FYB2: variants seen among roughly 807,000 people sequenced by gnomAD.
FYB2 encodes FYN-binding protein 2.
FYB2 carries 103 observed loss-of-function variants against 94.1 expected under a neutral mutation model. The ratio of observed to expected loss-of-function variants is 1.09; its 90% CI spans 0.93 to 1.29. The LOEUF is 1.29. Among genes scored for constraint, FYB2 ranks in the 50% most tolerant of loss-of-function variants. The probability of loss-of-function intolerance (pLI) is 0.00; values close to 1 mark genes in which losing one functional copy is unlikely to be tolerated. For synonymous variants in FYB2, 293 were observed against 287.9 expected, an observed-to-expected ratio of 1.02 and a Z score of -0.18; for missense variants, 896 against 841.5, an observed-to-expected ratio of 1.06 and a Z score of -0.80.
intron 4 of FYB2, among the ~76,000 whole-genome samples, chr1:56,771,837 TC>T (rs1301994853): frequency 6.6e-6 from 1 of 152,158 alleles, no homozygotes; most frequent in Non-Finnish European, 1.5e-5. Flanking sequence ...TTCTCTTTTT[TC>T]CCCTCATTTA....
chr1:56,807,401 T>C (rs1267970949), intron 1 of FYB2, among the ~76,000 whole-genome samples: 2 of 152,206 alleles, frequency 1.3e-5, no homozygotes, highest in Admixed American at 1.3e-4. Flanking sequence ...CCATTCTAAA[T>C]GCATCTGGGG....
chr1:56,728,027 A>G (rs1644620021), intron 15 of FYB2, among the ~76,000 whole-genome samples: 1 of 152,048 alleles, frequency 6.6e-6, no homozygotes, highest in African/African-American at 2.4e-5. Context: ...TCTCAAACAA[A>G]AGAGAAAAAG....
chr1:56,750,951 A>G (rs1223457997), intron 9 of FYB2, 93 bp downstream of exon 9: 8 of 1,431,144 alleles, frequency 5.6e-6, no homozygotes, highest in African/African-American at 4.3e-5. Flanking sequence ...TAGATGTTCA[A>G]TAAATATTGG....
At chr1:56,791,533 C>T (rs1646265381) in intron 2 of FYB2, among the ~76,000 whole-genome samples, 1 of 152,148 alleles carries the variant, frequency 6.6e-6, no homozygotes, top group South Asian at 2.1e-4. Flanking sequence ...CAGGCATAAG[C>T]CACCGTGCCC....
upstream of FYB2, chr1:56,819,414 C>A: frequency 7.2e-7 from 1 of 1,386,478 alleles, no homozygotes; most frequent in East Asian, 2.4e-5. Flanking sequence ...CAGGACACAC[C>A]TGAGCCCAGG....
intron 5 of FYB2, among the ~76,000 whole-genome samples, chr1:56,764,126 G>A (rs1014539137): frequency 1.2e-4 from 18 of 151,086 alleles, no homozygotes; most frequent in Admixed American, 5.3e-4. Flanking sequence ...AATTTTTTTT[G>A]TATTTTTAGT....
intron 1 of FYB2, among the ~76,000 whole-genome samples, chr1:56,795,039 C>T (rs1397113281): frequency 6.6e-6 from 1 of 151,190 alleles, no homozygotes; most frequent in African/African-American, 2.4e-5. Context: ...GAGATCTTAA[C>T]CATCTCTAAG....
At chr1:56,809,299 T>A (rs1646713261) in intron 1 of FYB2, among the ~76,000 whole-genome samples, 1 of 152,230 alleles carries the variant, frequency 6.6e-6, no homozygotes, top group Non-Finnish European at 1.5e-5. Context: ...CACTGTAAAT[T>A]GTAAAACATA....
At chr1:56,784,155 C>T (rs1369438634) in intron 4 of FYB2, among the ~76,000 whole-genome samples, 2 of 152,132 alleles carry the variant, frequency 1.3e-5, no homozygotes, top group Non-Finnish European at 2.9e-5. Context: ...CTGTTTTATA[C>T]ATTATGGTTG....
intron 4 of FYB2, among the ~76,000 whole-genome samples, chr1:56,772,267 T>TA (rs2100839967): frequency 6.6e-6 from 1 of 152,296 alleles, no homozygotes; most frequent in African/African-American, 2.4e-5. Flanking sequence ...CAAAAATGAA[T>TA]AAATATCTCA....
At chr1:56,788,801 C>T in intron 3 of FYB2, 172 bp downstream of exon 3, 1 of 895,470 alleles carries the variant, frequency 1.1e-6, no homozygotes. Flanking sequence ...AGGGCCAATT[C>T]CCACAGAGAC....
chr1:56,778,188 C>T (rs1645927309), intron 4 of FYB2, among the ~76,000 whole-genome samples: 1 of 152,154 alleles, frequency 6.6e-6, no homozygotes. Flanking sequence ...TCTCAACCAC[C>T]AGGTCTCACC....
At position 56,767,897 on chromosome 1, in the gene FYB2, G is replaced by A; in HGVS notation, c.995C>T (p.Ala332Val). 3.7e-6 allele frequency: 6 copies of A among 1,611,992 alleles called. No homozygotes were observed. Among genetic ancestry groups the A allele is most frequent in the Non-Finnish European group, 5.1e-6 (6 of 1,179,264 alleles). The change falls in exon 5 of 20, where the codon GCA becomes GTA. Residue 332 changes from alanine to valine, a missense_variant. Transcript: ENST00000343433. ...AEFEEPHNYE[A>V]TISYLRHSGN... ...AGAGTGTCTCAGATATGAAATTGTT[G>A]CCTCGTAATTATGTGGTTCTTCAAA...
rs80161170 is a variant in FYB2 at position 56,736,425 on chromosome 1, T to A, written c.1793+662A>T. On this transcript the variant is annotated intron_variant, in intron 15 of 19. Coordinates refer to ENST00000343433, the MANE Select transcript of FYB2 (RefSeq NM_001004303.5). The stretch of plus-strand genomic sequence containing the variant: ...AGGGAGCATCAAACTTAAGGATGGC[T>A]TTTTTTTTTTTTTTTTTTGGAACAG... 3.0e-4 allele frequency among the ~76,000 whole-genome samples: 7 copies of A among 23,722 alleles called. No individual in the cohort carries two copies. In the East Asian group the frequency reaches 7.6e-3, roughly 26 times the overall value. 15.6% of individuals were successfully genotyped at this position (23,722 alleles called of 152,430 possible). A position where few individuals can be genotyped will look rare whatever the true frequency, so the allele number is the denominator to read the frequency against.
chr1:56,794,164 T>C lies in FYB2; in HGVS notation c.10-1361A>G, dbSNP rs978460876. On this transcript the variant is annotated intron_variant, in intron 1 of 19. Transcript: ENST00000343433. The stretch of plus-strand genomic sequence containing the variant: ...CTCTAAATTCAGCTCCAATTTGGTA[T>C]ATGAAAATTGTGGTAGTAATGGGAG... Among the ~76,000 whole-genome samples the C allele has an allele frequency of 8.5e-5, 13 of 152,324 alleles. 1 individual carries two copies. The highest frequency in any genetic ancestry group is 7.8e-4 in the Admixed American group (12 of 15,298).
At chr1:56,814,329 G>T (rs1262508477) in intron 1 of FYB2, among the ~76,000 whole-genome samples, 1 of 152,214 alleles carries the variant, frequency 6.6e-6, no homozygotes, top group African/African-American at 2.4e-5. Context: ...AAATCTGGCA[G>T]TAGACTGACA....
Position 56,723,007 on chromosome 1 carries a change from TAACAGAATAAG to T in FYB2, c.1974+570_1974+580del, listed in dbSNP as rs1220734846. Among the ~76,000 whole-genome samples the T allele has an allele frequency of 4.6e-5, 7 of 152,152 alleles. No individual in the cohort carries two copies. In the East Asian group the frequency reaches 1.2e-3, roughly 25 times the overall value. On this transcript the variant is annotated intron_variant, in intron 17 of 19. Transcript: ENST00000343433. ...GAAAAAATGTCCCATGGACTCTTAA[TAACAGAATAAG>T]AAGGCAGAGAGCTTCGGATGCTGCA...
At chr1:56,799,120 T>C (rs1043333168) in intron 1 of FYB2, among the ~76,000 whole-genome samples, 11 of 152,154 alleles carry the variant, frequency 7.2e-5, no homozygotes, top group Non-Finnish European at 1.6e-4. Flanking sequence ...CCCCACCAAT[T>C]AGGCGATTGT....
chr1:56,768,762 T>A lies in FYB2; in HGVS notation c.954-824A>T, dbSNP rs74778608. 6.4e-3 allele frequency among the ~76,000 whole-genome samples: 972 copies of A among 152,230 alleles called. 27 individuals are homozygous for A. Among genetic ancestry groups the A allele is most frequent in the East Asian group, 0.056 (287 of 5,170 alleles). On this transcript the variant is annotated intron_variant, in intron 4 of 19. Coordinates refer to ENST00000343433, the MANE Select transcript of FYB2 (RefSeq NM_001004303.5). ...CACAAGGAGATGAGCTGCAGTAAGA[T>A]AGTCAGAAGGCATAACTAATGGGGG...
Sources: gnomAD v4.1 joint callset for allele counts (sites outside exome capture counted in the v4.1 genomes callset) on GRCh38, gnomAD v4.1.1 for gene constraint, MANE v1.5 for transcripts, NCBI Gene and HGNC (gene_info 2026-07-23, HGNC 2026-07-21) for gene names.